NR5A2: variants seen among roughly 807,000 people sequenced by gnomAD.
NR5A2 encodes the protein nuclear receptor subfamily 5 group A member 2.
Under a neutral mutation model 62.7 loss-of-function variants are expected in NR5A2, and 26 were observed. That is an observed-to-expected ratio of 0.41 (90% CI 0.30 to 0.58). The LOEUF is 0.58. Among genes scored for constraint, NR5A2 ranks in the 20% least tolerant of loss-of-function variants. The pLI, the probability that NR5A2 is intolerant of heterozygous loss-of-function variation, is 0.22. For synonymous variants in NR5A2, 246 were observed against 241.7 expected (o/e 1.02, Z -0.16); for missense variants, 541 against 669.1 (o/e 0.81, Z 2.11).
At chr1:200,066,499 C>G (rs1663474170) in intron 5 of NR5A2, among the ~76,000 whole-genome samples, 1 of 152,042 alleles carries the variant, frequency 6.6e-6, no homozygotes, top group South Asian at 2.1e-4. Flanking sequence ...CTCGACCACT[C>G]CACGCAGATA....
At chr1:200,164,570 C>T (rs1213904393) in intron 7 of NR5A2, among the ~76,000 whole-genome samples, 2 of 138,714 alleles carry the variant, frequency 1.4e-5, no homozygotes, top group African/African-American at 5.6e-5. Flanking sequence ...TTTTTTGAGA[C>T]AGAGTCTTGC....
intron 7 of NR5A2, among the ~76,000 whole-genome samples, chr1:200,127,740 TCAGATGCAAAATCCAC>T (rs1462388849): frequency 1.0e-5 from 1 of 97,382 alleles, no homozygotes; most frequent in African/African-American, 3.9e-5. Context: ...ATGGTATCCA[TCAGATGCAAAATCCAC>T]ATATACAGAG....
At chr1:200,124,874 C>G (rs1666635151) in intron 7 of NR5A2, among the ~76,000 whole-genome samples, 3 of 152,040 alleles carry the variant, frequency 2.0e-5, no homozygotes, top group Non-Finnish European at 4.4e-5. Context: ...TTCACTCCAG[C>G]CTGGGCAACG....
At chr1:200,062,044 G>A (rs1663246084) in intron 5 of NR5A2, among the ~76,000 whole-genome samples, 1 of 152,156 alleles carries the variant, frequency 6.6e-6, no homozygotes, top group South Asian at 2.1e-4. Flanking sequence ...AGACATCTTT[G>A]CTTTACTTTT....
intron 5 of NR5A2, among the ~76,000 whole-genome samples, chr1:200,101,551 C>T (rs866404151): frequency 1.3e-5 from 2 of 152,274 alleles, no homozygotes; most frequent in South Asian, 4.1e-4. Flanking sequence ...AAAGCTAACC[C>T]AGGAGTGGCA....
chr1:200,113,948 A>G (rs2102298139), intron 6 of NR5A2, among the ~76,000 whole-genome samples: 1 of 152,286 alleles, frequency 6.6e-6, no homozygotes, highest in East Asian at 1.9e-4. Context: ...TGGGAGGCTG[A>G]GGCGGGTGGG....
intron 2 of NR5A2, among the ~76,000 whole-genome samples, chr1:200,040,007 T>C (rs926411729): frequency 2.4e-4 from 36 of 152,276 alleles, no homozygotes; most frequent in African/African-American, 7.5e-4. Context: ...CAACGTCTAA[T>C]TGGCCGCTTC....
intron 5 of NR5A2, among the ~76,000 whole-genome samples, chr1:200,074,126 C>A (rs1165266377): frequency 1.3e-5 from 2 of 151,952 alleles, no homozygotes; most frequent in African/African-American, 4.8e-5. Context: ...TGCTAAAAAG[C>A]ATAAAAAACA....
Position 200,048,298 on chromosome 1 carries a change from C to G in NR5A2, c.590C>G (p.Ser197Cys). ...AATGGACTTAAGCTAGAAGCCATGT[C>G]TCAGGTGATCCAAGCTATGCCCTCT... ...RANGLKLEAMSQVIQAMPSDL... is the reference protein window; with the variant it reads ...RANGLKLEAMCQVIQAMPSDL... The change falls in exon 5 of 8, where the codon TCT becomes TGT. Residue 197 changes from serine (S) to cysteine (C), a missense_variant. By Grantham distance (112) the Ser-to-Cys change is moderately radical. This residue lies in a region of NR5A2 where 379 missense variants were observed against 442.0 expected (regional missense o/e 0.86). Coordinates refer to ENST00000367362, the MANE Select transcript of NR5A2 (RefSeq NM_205860.3). The surrounding 1 kb of genome is among the most constrained non-coding windows in gnomAD (Gnocchi z 4.8). 1 of 1,614,132 alleles carries G rather than the reference C, an allele frequency of 6.2e-7. No individual in the cohort carries two copies. Among genetic ancestry groups the G allele is most frequent in the Non-Finnish European group, 8.5e-7 (1 of 1,180,042 alleles).
At chr1:200,122,357 T>C (rs1253964047) in intron 7 of NR5A2, among the ~76,000 whole-genome samples, 1 of 152,216 alleles carries the variant, frequency 6.6e-6, no homozygotes, top group African/African-American at 2.4e-5. Context: ...ACTAATTAAA[T>C]GGAAAATGTG....
intron 5 of NR5A2, among the ~76,000 whole-genome samples, chr1:200,073,658 A>C (rs1663859239): frequency 6.6e-6 from 1 of 151,928 alleles, no homozygotes; most frequent in Non-Finnish European, 1.5e-5. Flanking sequence ...GAAGATACAG[A>C]ATCACAGATA....
chr1:200,168,209 A>ATT lies in NR5A2; in HGVS notation c.1379-5754_1379-5753insTT, dbSNP rs1483488948. ...TATATAGTATATACACTTTATATCT[A>ATT]CTTTTTTTTTTTTTTTTTAAGAGAC... On this transcript the variant is annotated intron_variant, in intron 7 of 7. Coordinates refer to ENST00000367362, the MANE Select transcript of NR5A2 (RefSeq NM_205860.3). Among the ~76,000 whole-genome samples, 6 of 136,566 alleles carry ATT rather than the reference A, an allele frequency of 4.4e-5. No homozygotes were observed. The East Asian group carries it at 6.2e-4, about 14-fold the overall frequency. 89.6% of individuals were successfully genotyped at this position (136,566 alleles called of 152,430 possible).
chr1:200,067,982 T>G (rs1158119351), intron 5 of NR5A2, among the ~76,000 whole-genome samples: 1 of 152,178 alleles, frequency 6.6e-6, no homozygotes, highest in Non-Finnish European at 1.5e-5. Context: ...TAAAGGTATT[T>G]TTCTCCTTCA....
chr1:200,166,619 A>G (rs12077979), intron 7 of NR5A2, among the ~76,000 whole-genome samples: 29,078 of 151,872 alleles, frequency 0.19, 3,223 homozygotes, highest in East Asian at 0.32. Context: ...ACAATAGGGG[A>G]AAAAAAACTC....
chr1:200,111,612 C>T (rs957583488), intron 6 of NR5A2, among the ~76,000 whole-genome samples: 1 of 152,180 alleles, frequency 6.6e-6, no homozygotes, highest in Non-Finnish European at 1.5e-5. Context: ...GATTAGTACC[C>T]AGGTTTTCTT....
intron 5 of NR5A2, among the ~76,000 whole-genome samples, chr1:200,093,167 G>A (rs922680923): frequency 1.3e-5 from 2 of 151,976 alleles, no homozygotes; most frequent in Admixed American, 6.6e-5. Flanking sequence ...GCCTCCCAAA[G>A]TGCTGGGATT....
intron 7 of NR5A2, among the ~76,000 whole-genome samples, chr1:200,162,010 G>A (rs959901354): frequency 2.6e-5 from 4 of 152,180 alleles, no homozygotes; most frequent in Admixed American, 2.6e-4. Context: ...ATCCAGAAAA[G>A]CTTGCCTGGG....
intron 7 of NR5A2, among the ~76,000 whole-genome samples, chr1:200,136,126 G>A (rs768744173): frequency 7.9e-5 from 12 of 152,132 alleles, no homozygotes; most frequent in Non-Finnish European, 1.8e-4. Flanking sequence ...CTCTTCCTAG[G>A]TTGGTGCAGG....
At chr1:200,031,571 C>CTTTTTTTT (rs530174677) in intron 1 of NR5A2, among the ~76,000 whole-genome samples, 9 of 89,522 alleles carry the variant, frequency 1.0e-4, no homozygotes, top group East Asian at 3.2e-4. Context: ...TCTTTAACAC[C>CTTTTTTTT]TTTTTTTTTT....
Sources: gnomAD v4.1 joint callset for allele counts (sites outside exome capture counted in the v4.1 genomes callset) on GRCh38, gnomAD v4.1.1 for gene constraint, gnomAD v4.1.1 regional missense constraint, Gnocchi (gnomAD v3.1) non-coding constraint, MANE v1.5 for transcripts, NCBI Gene and HGNC (gene_info 2026-07-23, HGNC 2026-07-21) for gene names.